SLC5A6: variants seen among roughly 807,000 people sequenced by gnomAD.
SLC5A6 encodes the protein sodium-dependent multivitamin transporter.
Under a neutral mutation model 67.9 loss-of-function variants are expected in SLC5A6, and 31 were observed. The ratio of observed to expected loss-of-function variants is 0.46; its 90% CI spans 0.34 to 0.62. SLC5A6 has a LOEUF of 0.62. Ranked by LOEUF, SLC5A6 falls within the 20% of genes least tolerant of loss-of-function variation. The pLI, the probability that SLC5A6 is intolerant of heterozygous loss-of-function variation, is 0.01. For synonymous variants in SLC5A6, 343 were observed against 331.0 expected (o/e 1.04, Z -0.39); for missense variants, 673 against 812.8 (o/e 0.83, Z 2.09).
rs1674498436 is a variant in SLC5A6, at chr2:27,211,462, C to CT, written c.-141+4dup. On this transcript the variant is annotated splice_donor_region_variant and intron_variant, in intron 2 of 16. Coordinates refer to ENST00000310574, the MANE Select transcript of SLC5A6 (RefSeq NM_021095.4). ...CCACCCTGGGGCAGCAACGCACTCC[C>CT]TTACCTCCGTGGTTCAGTCAGAGCT... 1 of 152,408 alleles carries CT rather than the reference C, an allele frequency of 6.6e-6. No individual in the cohort carries two copies. The highest frequency in any genetic ancestry group is 2.1e-4 in the South Asian group (1 of 4,834). 9.4% of individuals were successfully genotyped at this position (152,408 alleles called of 1,614,324 possible).
upstream of SLC5A6, chr2:27,212,502 G>A: frequency 6.5e-7 from 1 of 1,540,590 alleles, no homozygotes; most frequent in Non-Finnish European, 8.7e-7. Context: ...GCTGAAGCAG[G>A]GTCGCTGGCC....
Position 27,207,788 on chromosome 2 carries a change from G to A in SLC5A6, c.-138C>T, listed in dbSNP as rs1454676092. The A allele has an allele frequency of 3.8e-6, 3 of 786,800 alleles. No homozygotes were observed. The highest frequency in any genetic ancestry group is 1.7e-5 in the African/African-American group (1 of 57,486). 48.7% of individuals were successfully genotyped at this position (786,800 alleles called of 1,614,324 possible). The stretch of plus-strand genomic sequence containing the variant: ...TCCACGGAGTGATACTGTCCAGGGT[G>A]AGCTGCAAAGGAATTAGCTCTTAGT... On this transcript the variant is annotated splice_region_variant and 5_prime_UTR_variant, in exon 3 of 17. Coordinates refer to ENST00000310574, the MANE Select transcript of SLC5A6 (RefSeq NM_021095.4). This position sits in a 1 kb window ranked among gnomAD's most constrained non-coding sequence, Gnocchi z 5.5.
In SLC5A6 at chr2:27,202,795, A is replaced by G. The variant is rs965358493; in HGVS notation, c.1275+18T>C. ...CTTCTCTCCCTTAAAATTGCTTCCT[A>G]CCCTCTATAGTTATTACCTGCAGCA... On this transcript the variant is annotated intron_variant, in intron 12 of 16. Transcript: ENST00000310574. The G allele has an allele frequency of 1.9e-6, 3 of 1,608,104 alleles. No homozygotes were observed. Among genetic ancestry groups the G allele is most frequent in the Non-Finnish European group, 2.6e-6 (3 of 1,175,062 alleles).
At chr2:27,211,997 G>GCCCGCCCCA in intron 1 of SLC5A6, 23 bp downstream of exon 1, 1 of 400,534 alleles carries the variant, frequency 2.5e-6, no homozygotes, top group Non-Finnish European at 4.1e-6. Flanking sequence ...TGCCCGCCCC[G>GCCCGCCCCA]CTCGCCGTGC....
Position 27,207,728 on chromosome 2 carries a change from C to T in SLC5A6, c.-78G>A, listed in dbSNP as rs1446504680. On this transcript the variant is annotated 5_prime_UTR_variant, in exon 3 of 17. Transcript: ENST00000310574. This position sits in a 1 kb window ranked among gnomAD's most constrained non-coding sequence, Gnocchi z 5.5. ...TAGGGCAGGGGCGGATGTGTGGCTA[C>T]AATCTGGCTTCCAGCCACAGTCTCA... The T allele has an allele frequency of 2.2e-6, 3 of 1,381,182 alleles. No homozygotes were observed. Among genetic ancestry groups the T allele is most frequent in the South Asian group, 1.3e-5 (1 of 75,618 alleles). The allele number at this position is 1,381,182 out of a possible 1,614,324, so 85.6% of individuals were successfully genotyped here. A position where few individuals can be genotyped will look rare whatever the true frequency, so the allele number is the denominator to read the frequency against.
At chr2:27,205,182 G>T in intron 7 of SLC5A6, 168 bp downstream of exon 7, 2 of 737,934 alleles carry the variant, frequency 2.7e-6, no homozygotes, top group South Asian at 3.7e-5. Flanking sequence ...AACACTAGCC[G>T]GGCACCTGTA....
At chr2:27,212,524 G>C (rs535243797), upstream of SLC5A6, 73 of 1,506,742 alleles carry the variant, frequency 4.8e-5, no homozygotes, top group African/African-American at 9.6e-4. Context: ...GCCGTGCGTC[G>C]CGCTCGCCAG....
At chr2:27,205,627 G>A (rs996295821) in intron 6 of SLC5A6, 123 bp from the exon 7 acceptor site, 2 of 1,219,262 alleles carry the variant, frequency 1.6e-6, no homozygotes, top group African/African-American at 1.5e-5. Context: ...TTTGCAGCCT[G>A]AAGCCAGTTT....
rs201595832 is a variant in SLC5A6 at position 27,204,664 on chromosome 2, G to A, written c.876-74C>T. 4.5e-5 allele frequency: 72 copies of A among 1,601,014 alleles called. No homozygotes were observed. In the East Asian group the frequency reaches 1.3e-3, roughly 29 times the overall value. ...CTCAGGTGTGTGCCCCTGACCTCCA[G>A]AAAGGAGACCCACATCCTGACCACA... On this transcript the variant is annotated intron_variant, in intron 8 of 16. Coordinates refer to ENST00000310574, the MANE Select transcript of SLC5A6 (RefSeq NM_021095.4).
intron 2 of SLC5A6, among the ~76,000 whole-genome samples, chr2:27,209,645 AT>A (rs1428463877): frequency 6.6e-6 from 1 of 152,224 alleles, no homozygotes; most frequent in African/African-American, 2.4e-5. Flanking sequence ...TTCACAGGAC[AT>A]AGTTTAGATT....
intron 10 of SLC5A6, 53 bp downstream of exon 10, chr2:27,203,726 A>G (rs148306790): frequency 2.2e-6 from 3 of 1,356,090 alleles, no homozygotes; most frequent in Middle Eastern, 1.8e-4. Flanking sequence ...ATCACCTTGT[A>G]CCAAATAGGG....
Position 27,200,568 on chromosome 2 carries a change from G to A in SLC5A6, c.1776C>T (p.Asp592=). The change falls in exon 17 of 17, where the codon GAC becomes GAT. Residue 592 remains aspartate, a synonymous_variant. Transcript: ENST00000310574. ...TCGGCTTCTCAGGAAACAGGCCAGT[G>A]TCGAGGTGGTCCTGCAAACACAGAG... The part of the protein sequence containing the change: ...HCRSYGQDHL[D]TGLFPEKPRN... 6.2e-7 allele frequency: 1 copy of A among 1,612,402 alleles called. No individual in the cohort carries two copies. Among genetic ancestry groups the A allele is most frequent in the Non-Finnish European group, 8.5e-7 (1 of 1,179,076 alleles).
At chr2:27,206,456 A>T in intron 5 of SLC5A6, 27 bp downstream of exon 5, 1 of 1,612,410 alleles carries the variant, frequency 6.2e-7, no homozygotes. Flanking sequence ...ACCACGGCTG[A>T]AAGCCAGGGG....
Position 27,206,009 on chromosome 2 carries a change from C to G in SLC5A6, c.579+17G>C, listed in dbSNP as rs1275527. 1,468,045 of 1,600,292 alleles carry G rather than the reference C, an allele frequency of 0.92. 681,754 individuals carry two copies. Among genetic ancestry groups the G allele is most frequent in the East Asian group, 1 (44,808 of 44,822 alleles). ...TTCATCCCTTCCCCTCCCCACACCA[C>G]GGCTTACTGCACTTACCAGAGCTGT... On this transcript the variant is annotated intron_variant, in intron 6 of 16. Coordinates refer to ENST00000310574, the MANE Select transcript of SLC5A6 (RefSeq NM_021095.4).
In SLC5A6 at chr2:27,201,817, C is replaced by G; in HGVS notation, c.1393G>C (p.Val465Leu). The G allele has an allele frequency of 4.3e-6, 7 of 1,614,132 alleles. No individual in the cohort carries two copies. The highest frequency in any genetic ancestry group is 1.1e-5 in the South Asian group (1 of 91,080). Residue 465 changes from valine to leucine, a missense_variant, in exon 14 of 17, where the codon GTC becomes CTC. Transcript: ENST00000310574. ...GAVVGLLAGL[V>L]MAFWIGIGSI... ...CCGATGCCAATCCAGAAGGCCATGA[C>G]GAGCCCAGCCAACAGGCCCACAACA...
intron 4 of SLC5A6, 137 bp downstream of exon 4, chr2:27,206,740 C>G: frequency 1.1e-6 from 1 of 885,220 alleles, no homozygotes; most frequent in Non-Finnish European, 1.9e-6. Context: ...CCTCTGGGGT[C>G]CTCACAGATG....
Position 27,204,923 on chromosome 2 carries a change from G to C in SLC5A6, c.743C>G (p.Pro248Arg). The C allele has an allele frequency of 1.9e-6, 3 of 1,613,360 alleles. No individual in the cohort carries two copies. Among genetic ancestry groups the C allele is most frequent in the South Asian group, 2.2e-5 (2 of 91,086 alleles). ...HGRISGFELD[P>R]DPFVRHTFWT... ...GAAGGTGTGCCGCACAAAGGGGTCT[G>C]GATCCAGCCTGTAACAGACACCACC... is the stretch of plus-strand genomic sequence containing the variant. Residue 248 changes from proline (P) to arginine (R), a missense_variant, in exon 8 of 17, where the codon CCA becomes CGA. Pro to Arg is a moderately radical substitution (Grantham distance 103, BLOSUM62 -2). Transcript: ENST00000310574.
chr2:27,204,010 C>T (rs1275522), intron 9 of SLC5A6, 143 bp from the exon 10 acceptor site: 413,294 of 628,166 alleles, frequency 0.66, 143,433 homozygotes, highest in East Asian at 0.88. Context: ...CCTGGGGCAC[C>T]TCTGCTGACC....
chr2:27,207,462 G>T lies in SLC5A6; in HGVS notation c.189C>A (p.Asp63Glu). The T allele has an allele frequency of 6.2e-7, 1 of 1,614,188 alleles. No individual in the cohort carries two copies. Among genetic ancestry groups the T allele is most frequent in the Non-Finnish European group, 8.5e-7 (1 of 1,180,044 alleles). ...RHTVGELLMA[D>E]RKMGCLPVAL... ...CCACCGGAAGGCAGCCCATTTTGCG[G>T]TCCGCCATCAGCAGCTCACCAACAG... The change falls in exon 3 of 17, where the codon GAC (aspartate) becomes GAA (glutamate). Residue 63 changes from aspartate to glutamate, a missense_variant. Physicochemically the swap from Asp to Glu is conservative, Grantham distance 45. Transcript: ENST00000310574. The surrounding 1 kb of genome is among the most constrained non-coding windows in gnomAD (Gnocchi z 5.5).
Sources: allele counts gnomAD v4.1 joint callset (sites outside exome capture counted in the v4.1 genomes callset), GRCh38; gene constraint gnomAD v4.1.1; non-coding constraint Gnocchi (gnomAD v3.1); transcripts MANE v1.5; gene names NCBI Gene and HGNC (gene_info 2026-07-23, HGNC 2026-07-21).